Variants in CAMK1D observed in about 807,000 individuals in gnomAD.
CAMK1D encodes the protein calcium/calmodulin-dependent protein kinase type 1D.
CAMK1D carries 9 observed loss-of-function variants against 47.7 expected under a neutral mutation model. The ratio of observed to expected loss-of-function variants is 0.19; its 90% CI spans 0.11 to 0.33. The LOEUF (loss-of-function observed/expected upper bound fraction) is 0.33, where lower values mean the gene tolerates loss of function less well. CAMK1D is among the 10% of genes least tolerant of loss of function. The pLI, the probability that CAMK1D is intolerant of heterozygous loss-of-function variation, is 1.00. For synonymous variants in CAMK1D, 184 were observed against 184.9 expected (o/e 0.99, Z 0.04); for missense variants, 291 against 488.7 (o/e 0.60, Z 3.81).
intron 3 of CAMK1D, among the ~76,000 whole-genome samples, chr10:12,700,603 G>A (rs1282230556): frequency 1.3e-5 from 2 of 152,084 alleles, no homozygotes; most frequent in Admixed American, 6.5e-5. Flanking sequence ...CTGTGCCTGC[G>A]GCCTGTTTCA....
chr10:12,603,584 G>C (rs1838368198), intron 2 of CAMK1D, among the ~76,000 whole-genome samples: 1 of 152,150 alleles, frequency 6.6e-6, no homozygotes, highest in Non-Finnish European at 1.5e-5. Flanking sequence ...GGGACCTCGG[G>C]TTGAGAACAC....
chr10:12,505,449 T>C (rs755282061), intron 1 of CAMK1D, among the ~76,000 whole-genome samples: 1 of 152,130 alleles, frequency 6.6e-6, no homozygotes, highest in Non-Finnish European at 1.5e-5. Flanking sequence ...CAAAGGAAGA[T>C]CAAAAGCCTC....
intron 2 of CAMK1D, among the ~76,000 whole-genome samples, chr10:12,660,456 A>G (rs548595588): frequency 6.6e-6 from 1 of 152,258 alleles, no homozygotes; most frequent in East Asian, 1.9e-4. Flanking sequence ...GCCTGTTTGT[A>G]CATTTGGTAT....
At chr10:12,552,804 C>T (rs749616383) in intron 1 of CAMK1D, among the ~76,000 whole-genome samples, 4 of 152,134 alleles carry the variant, frequency 2.6e-5, no homozygotes, top group East Asian at 1.9e-4. Context: ...TGCAGCGACA[C>T]GATCTCGGCT....
At chr10:12,576,862 T>C (rs1465929836) in intron 2 of CAMK1D, among the ~76,000 whole-genome samples, 2 of 152,158 alleles carry the variant, frequency 1.3e-5, no homozygotes, top group Non-Finnish European at 2.9e-5. Context: ...CTTGGTCCTG[T>C]GCATGTCAGT....
At chr10:12,793,510 G>T (rs1263310044) in intron 6 of CAMK1D, among the ~76,000 whole-genome samples, 1 of 152,224 alleles carries the variant, frequency 6.6e-6, no homozygotes, top group Non-Finnish European at 1.5e-5. Flanking sequence ...ACAACAAAAT[G>T]CCATGTGGTT....
At chr10:12,597,924 C>T (rs1273526315) in intron 2 of CAMK1D, among the ~76,000 whole-genome samples, 1 of 152,186 alleles carries the variant, frequency 6.6e-6, no homozygotes, top group Non-Finnish European at 1.5e-5. Context: ...CGTTATCAAA[C>T]AATAACAGAA....
Position 12,772,465 on chromosome 10 carries a change from C to T in CAMK1D, c.565+2666C>T, listed in dbSNP as rs546202508. On this transcript the variant is annotated intron_variant, in intron 5 of 10. Transcript: ENST00000619168. The stretch of plus-strand genomic sequence containing the variant: ...AATGCTCTGACAACCAGTGACGGCC[C>T]CTAGCTACGTACGCATCACGTGCTT... Among the ~76,000 whole-genome samples, 3 of 152,262 alleles carry T rather than the reference C, an allele frequency of 2.0e-5. No individual in the cohort carries two copies. The South Asian group carries it at 6.2e-4, about 32-fold the overall frequency.
At chr10:12,686,033 G>A (rs756752000) in intron 3 of CAMK1D, among the ~76,000 whole-genome samples, 29 of 152,242 alleles carry the variant, frequency 1.9e-4, no homozygotes, top group South Asian at 4.1e-4. Flanking sequence ...TTCTGGATTA[G>A]AATCACAGTG....
At chr10:12,466,866 A>C (rs1231277571) in intron 1 of CAMK1D, among the ~76,000 whole-genome samples, 3 of 152,132 alleles carry the variant, frequency 2.0e-5, no homozygotes, top group Admixed American at 1.3e-4. Context: ...GACAGATGAC[A>C]GGTGCAAAAT....
chr10:12,351,041 A>C (rs1163707662), intron 1 of CAMK1D, among the ~76,000 whole-genome samples: 1 of 151,604 alleles, frequency 6.6e-6, no homozygotes, highest in African/African-American at 2.4e-5. Flanking sequence ...TCTTTTTTCC[A>C]GCACCACATT....
intron 1 of CAMK1D, among the ~76,000 whole-genome samples, chr10:12,526,226 T>A (rs1588592891): frequency 6.6e-6 from 1 of 152,322 alleles, no homozygotes; most frequent in Non-Finnish European, 1.5e-5. Flanking sequence ...GTGGTAACAG[T>A]ATCAGTTAAG....
intron 1 of CAMK1D, among the ~76,000 whole-genome samples, chr10:12,435,832 G>A (rs1007021946): frequency 6.6e-6 from 1 of 152,136 alleles, no homozygotes; most frequent in Non-Finnish European, 1.5e-5. Context: ...TCTTGTATTC[G>A]TGCTGCCTCC....
At chr10:12,694,569 TATATAAAAATATATC>T (rs1486595962) in intron 3 of CAMK1D, among the ~76,000 whole-genome samples, 4 of 79,714 alleles carry the variant, frequency 5.0e-5, no homozygotes, top group African/African-American at 2.0e-4. Flanking sequence ...AAATATATAA[TATATAAAAATATATC>T]ATATATAAAT....
intron 2 of CAMK1D, among the ~76,000 whole-genome samples, chr10:12,588,297 A>G (rs1837880880): frequency 2.0e-5 from 3 of 152,264 alleles, no homozygotes; most frequent in Non-Finnish European, 2.9e-5. Flanking sequence ...GTTAAGAATA[A>G]TGATCGGACA....
intron 2 of CAMK1D, among the ~76,000 whole-genome samples, chr10:12,627,984 G>A (rs1329309572): frequency 2.0e-5 from 3 of 151,998 alleles, no homozygotes; most frequent in African/African-American, 7.2e-5. Flanking sequence ...AGGAGGCTGA[G>A]GCAGGGGAAT....
At chr10:12,445,283 A>G (rs1355667674) in intron 1 of CAMK1D, among the ~76,000 whole-genome samples, 4 of 152,230 alleles carry the variant, frequency 2.6e-5, no homozygotes, top group Non-Finnish European at 5.9e-5. Flanking sequence ...GCCAAGAGGA[A>G]GGTCCTCCAT....
At position 12,804,413 on chromosome 10, in the gene CAMK1D, A is replaced by G. The variant is rs960754935; in HGVS notation, c.642-9782A>G. ...CGGATTACCTGAGGTCAGGAGTTCA[A>G]GACCAGCCTGGTCAATGTGGTGAAA... On this transcript the variant is annotated intron_variant, in intron 6 of 10. Transcript: ENST00000619168. Among the ~76,000 whole-genome samples the G allele has an allele frequency of 3.9e-5, 6 of 152,178 alleles. 1 individual carries two copies. The Middle Eastern group carries it at 0.014, about 345-fold the overall frequency.
intron 1 of CAMK1D, among the ~76,000 whole-genome samples, chr10:12,395,620 G>C (rs1335753028): frequency 6.6e-6 from 1 of 152,036 alleles, no homozygotes; most frequent in Non-Finnish European, 1.5e-5. Flanking sequence ...TACTGTAGAA[G>C]GGTTGGTTTT....
Sources: allele counts gnomAD v4.1 joint callset (sites outside exome capture counted in the v4.1 genomes callset), GRCh38; gene constraint gnomAD v4.1.1; transcripts MANE v1.5; gene names NCBI Gene and HGNC (gene_info 2026-07-23, HGNC 2026-07-21).